The following CADPS2 variants were observed in gnomAD, a reference collection of about 807,000 sequenced individuals.
CADPS2 encodes calcium-dependent secretion activator 2.
In CADPS2, 93 loss-of-function variants were observed where a neutral mutation model predicts 172.5. That is an observed-to-expected ratio of 0.54 (90% confidence interval 0.46 to 0.64). The LOEUF is 0.64. Ranked by LOEUF, CADPS2 falls within the 30% of genes least tolerant of loss-of-function variation. The probability of loss-of-function intolerance (pLI) is 0.00; values close to 1 mark genes in which losing one functional copy is unlikely to be tolerated. For synonymous variants in CADPS2, 546 were observed against 555.2 expected (o/e 0.98, Z 0.23); for missense variants, 1,420 against 1,565.9 (o/e 0.91, Z 1.57).
At chr7:122,698,574 T>G in intron 2 of CADPS2, 1 of 1,614,072 alleles carries the variant, frequency 6.2e-7, no homozygotes, top group Non-Finnish European at 8.5e-7. Context: ...CCACTTTAAT[T>G]TTCTGTGTGA....
intron 11 of CADPS2, among the ~76,000 whole-genome samples, chr7:122,486,830 C>T (rs1218646566): frequency 6.6e-6 from 1 of 152,094 alleles, no homozygotes; most frequent in African/African-American, 2.4e-5. Flanking sequence ...CACCAACCTT[C>T]AACAACCAGC....
Position 122,842,361 on chromosome 7 carries a change from G to A in CADPS2, c.339+43638C>T, listed in dbSNP as rs2140945248. 2.6e-5 allele frequency among the ~76,000 whole-genome samples: 4 copies of A among 152,300 alleles called. No individual in the cohort carries two copies. The Middle Eastern group carries it at 0.014, about 518-fold the overall frequency. ...TGGTACAATGGGATAAGCTCATTGT[G>A]TGTCCATCCTCATGAACGCTTTCTG... On this transcript the variant is annotated intron_variant, in intron 1 of 29. Coordinates refer to ENST00000449022, the MANE Select transcript of CADPS2 (RefSeq NM_017954.11).
chr7:122,729,763 T>C (rs1209470039), intron 2 of CADPS2, among the ~76,000 whole-genome samples: 1 of 148,216 alleles, frequency 6.7e-6, no homozygotes, highest in East Asian at 2.0e-4. Flanking sequence ...CTTCTACAGA[T>C]AGGGAAACAG....
At chr7:122,771,865 G>C (rs2093714029) in intron 1 of CADPS2, among the ~76,000 whole-genome samples, 1 of 152,212 alleles carries the variant, frequency 6.6e-6, no homozygotes, top group African/African-American at 2.4e-5. Context: ...AGTGTCAACT[G>C]AACAGTGAGG....
chr7:122,561,656 T>C (rs977677911), intron 7 of CADPS2, among the ~76,000 whole-genome samples: 3 of 152,248 alleles, frequency 2.0e-5, no homozygotes, highest in South Asian at 2.1e-4. Context: ...TTGTACCACA[T>C]AGAGTCACTT....
At chr7:122,732,248 A>T (rs1465921015) in intron 2 of CADPS2, among the ~76,000 whole-genome samples, 1 of 151,668 alleles carries the variant, frequency 6.6e-6, no homozygotes, top group Admixed American at 6.6e-5. Flanking sequence ...AGAAAAAGAA[A>T]TATATCTCGG....
At chr7:122,667,100 T>C (rs1564009401) in intron 2 of CADPS2, among the ~76,000 whole-genome samples, 1 of 152,218 alleles carries the variant, frequency 6.6e-6, no homozygotes, top group Non-Finnish European at 1.5e-5. Flanking sequence ...TGTTCAATTA[T>C]TGTGTGTTCT....
chr7:122,518,852 G>A lies in CADPS2; in HGVS notation c.1476-5537C>T, dbSNP rs145323831. ...AGAGAAGCATTTTCTAATGAGTACT[G>A]TGAATTTTTTTCACGTGATTTTAAA... On this transcript the variant is annotated intron_variant, in intron 8 of 29. Transcript: ENST00000449022. Among the ~76,000 whole-genome samples the A allele has an allele frequency of 2.1e-3, 312 of 152,108 alleles. 3 individuals are homozygous for A. The highest frequency in any genetic ancestry group is 7.3e-3 in the African/African-American group (303 of 41,510).
chr7:122,656,399 G>T (rs2079797488), intron 3 of CADPS2, among the ~76,000 whole-genome samples: 1 of 152,072 alleles, frequency 6.6e-6, no homozygotes, highest in Admixed American at 6.6e-5. Flanking sequence ...CCCCACTCCA[G>T]CCCTCTTGAC....
chr7:122,725,337 TTA>T (rs35468775), intron 2 of CADPS2, among the ~76,000 whole-genome samples: 1 of 151,672 alleles, frequency 6.6e-6, no homozygotes, highest in Admixed American at 6.6e-5. Flanking sequence ...AACATCTCTT[TTA>T]TATATATATG....
intron 19 of CADPS2, 184 bp from the exon 20 acceptor site, chr7:122,407,880 G>A (rs2046839266): frequency 5.3e-6 from 3 of 564,068 alleles, no homozygotes; most frequent in Non-Finnish European, 9.3e-6. Flanking sequence ...CATAGATTTG[G>A]CACTGAGGAA....
intron 6 of CADPS2, among the ~76,000 whole-genome samples, chr7:122,589,457 T>A (rs2070377819): frequency 6.6e-6 from 1 of 151,900 alleles, no homozygotes; most frequent in Non-Finnish European, 1.5e-5. Context: ...TGTGGAAAAC[T>A]CTAAGCAGAA....
chr7:122,729,556 C>A lies in CADPS2; in HGVS notation c.453+7399G>T, dbSNP rs1219811106. Among the ~76,000 whole-genome samples, 6 of 151,756 alleles carry A rather than the reference C, an allele frequency of 4.0e-5. No individual in the cohort carries two copies. The East Asian group carries it at 1.2e-3, about 29-fold the overall frequency. On this transcript the variant is annotated intron_variant, in intron 2 of 29. Coordinates refer to ENST00000449022, the MANE Select transcript of CADPS2 (RefSeq NM_017954.11). ...TTATTTTTTGCCTTTTTAATAATAGCCATTCTAACTGAGGTGGGATGATAT... is the reference window on the plus strand; with the variant it reads ...TTATTTTTTGCCTTTTTAATAATAGACATTCTAACTGAGGTGGGATGATAT...
intron 11 of CADPS2, among the ~76,000 whole-genome samples, chr7:122,485,063 TAATA>T (rs2057669879): frequency 6.6e-6 from 1 of 152,190 alleles, no homozygotes; most frequent in African/African-American, 2.4e-5. Context: ...ATGGTAAACT[TAATA>T]AATGTTATAT....
intron 6 of CADPS2, among the ~76,000 whole-genome samples, chr7:122,592,246 A>G (rs548833451): frequency 1.3e-5 from 2 of 152,326 alleles, no homozygotes; most frequent in East Asian, 1.9e-4. Flanking sequence ...AATGCTCATC[A>G]TCACTGGCCA....
At chr7:122,528,105 G>T (rs2061419765) in intron 8 of CADPS2, among the ~76,000 whole-genome samples, 1 of 130,564 alleles carries the variant, frequency 7.7e-6, no homozygotes, top group Non-Finnish European at 1.6e-5. Context: ...GTAGATGAAG[G>T]CATTAGTGGT....
At chr7:122,866,008 A>C (rs1450245497) in intron 1 of CADPS2, among the ~76,000 whole-genome samples, 1 of 152,248 alleles carries the variant, frequency 6.6e-6, no homozygotes, top group Non-Finnish European at 1.5e-5. Context: ...GTATTTTCCC[A>C]AAGAATTAAA....
At chr7:122,715,296 T>A (rs992784571) in intron 2 of CADPS2, among the ~76,000 whole-genome samples, 2 of 152,118 alleles carry the variant, frequency 1.3e-5, no homozygotes, top group African/African-American at 2.4e-5. Flanking sequence ...AATGCCTTTC[T>A]CAGTCTTTGG....
chr7:122,606,047 T>C (rs1282483930), intron 6 of CADPS2, among the ~76,000 whole-genome samples: 1 of 152,218 alleles, frequency 6.6e-6, no homozygotes, highest in Non-Finnish European at 1.5e-5. Flanking sequence ...TGAATACTTG[T>C]ATAAATTCTT....
Sources: gnomAD v4.1 joint callset for allele counts (sites outside exome capture counted in the v4.1 genomes callset) on GRCh38, gnomAD v4.1.1 for gene constraint, MANE v1.5 for transcripts, NCBI Gene and HGNC (gene_info 2026-07-23, HGNC 2026-07-21) for gene names.